Variants in CD38 observed in about 807,000 individuals in gnomAD.
CD38 encodes ADP-ribosyl cyclase/cyclic ADP-ribose hydrolase 1.
CD38 carries 31 observed loss-of-function variants against 36.3 expected under a neutral mutation model. That is an observed-to-expected ratio of 0.85 (90% CI 0.64 to 1.15). The LOEUF is 1.15. Among genes scored for constraint, CD38 ranks in the 50% most tolerant of loss-of-function variants. CD38 has a pLI of 0.00. For missense variants in CD38, 380 were observed against 371.9 expected (o/e 1.02, Z -0.18); for synonymous variants, 131 against 135.2 (o/e 0.97, Z 0.22).
At chr4:15,790,394 T>A (rs1314533325) in intron 1 of CD38, among the ~76,000 whole-genome samples, 1 of 151,726 alleles carries the variant, frequency 6.6e-6, no homozygotes, top group East Asian at 1.9e-4. Context: ...GCCGGGCTGG[T>A]CTCCAGCTCC....
chr4:15,787,021 C>G (rs764845108), intron 1 of CD38, among the ~76,000 whole-genome samples: 9 of 146,622 alleles, frequency 6.1e-5, no homozygotes, highest in Non-Finnish European at 1.2e-4. Flanking sequence ...GCTCGCCGGC[C>G]GCTCAGAGTG....
chr4:15,841,549 C>G (rs183015259), intron 7 of CD38, among the ~76,000 whole-genome samples: 1 of 148,378 alleles, frequency 6.7e-6, no homozygotes, highest in African/African-American at 2.6e-5. Flanking sequence ...AATCTTGCGG[C>G]GGAGGAGCCA....
chr4:15,800,944 T>C (rs1385365675), intron 1 of CD38, among the ~76,000 whole-genome samples: 2 of 151,374 alleles, frequency 1.3e-5, no homozygotes, highest in Non-Finnish European at 2.9e-5. Flanking sequence ...AGGAAGTAAA[T>C]AATAAAGATC....
intron 3 of CD38, among the ~76,000 whole-genome samples, chr4:15,831,277 C>G (rs1723952682): frequency 6.6e-6 from 1 of 152,106 alleles, no homozygotes; most frequent in African/African-American, 2.4e-5. Flanking sequence ...ATTGGCTCAT[C>G]ATTTAGTTTT....
rs1001737604 is a variant in CD38 at position 15,849,279 on chromosome 4, C to T, written c.*677C>T. ...GCCACCGAAAGGAATGGCAAAACCA[C>T]AATTATTTTTGAACCAACCTAATAA... On this transcript the variant is annotated 3_prime_UTR_variant, in exon 8 of 8. Coordinates refer to ENST00000226279, the MANE Select transcript of CD38 (RefSeq NM_001775.4). 1 of 152,068 alleles carries T rather than the reference C, an allele frequency of 6.6e-6. No individual in the cohort carries two copies. Among genetic ancestry groups the T allele is most frequent in the Non-Finnish European group, 1.5e-5 (1 of 68,012 alleles). The allele number at this position is 152,068 out of a possible 1,614,324, so 9.4% of individuals were successfully genotyped here. A position where few individuals can be genotyped will look rare whatever the true frequency, so the allele number is the denominator to read the frequency against.
At chr4:15,811,724 G>A (rs908087226) in intron 1 of CD38, among the ~76,000 whole-genome samples, 18 of 152,200 alleles carry the variant, frequency 1.2e-4, no homozygotes, top group East Asian at 3.8e-4. Context: ...AAGCTTTATC[G>A]TGAGGTTGAC....
chr4:15,794,600 G>A (rs1241049812), intron 1 of CD38, among the ~76,000 whole-genome samples: 3 of 152,270 alleles, frequency 2.0e-5, no homozygotes, highest in African/African-American at 7.2e-5. Context: ...TTTGGGAGGA[G>A]TGGTAGTGAT....
intron 1 of CD38, among the ~76,000 whole-genome samples, chr4:15,793,522 C>A (rs1723049050): frequency 6.6e-6 from 1 of 152,052 alleles, no homozygotes; most frequent in Non-Finnish European, 1.5e-5. Flanking sequence ...GAAACGTCTA[C>A]TGAATGATGT....
chr4:15,785,047 C>T (rs1464454104), intron 1 of CD38, among the ~76,000 whole-genome samples: 1 of 114,758 alleles, frequency 8.7e-6, no homozygotes, highest in Non-Finnish European at 1.7e-5. Context: ...CAGAGCAAGA[C>T]TCTGTCTTAA....
rs1319144051 is a variant in CD38 at position 15,850,663 on chromosome 4, C to G, written c.*2061C>G. 6.6e-6 allele frequency: 1 copy of G among 152,246 alleles called. No individual in the cohort carries two copies. The highest frequency in any genetic ancestry group is 1.9e-4 in the East Asian group (1 of 5,190). 9.4% of individuals were successfully genotyped at this position (152,246 alleles called of 1,614,324 possible). ...CAGTTTCCCACAGGAGCCTTTGTAGCTGTAGCCACCATGGTCAGTCCAGGG... is the reference window on the plus strand; with the variant it reads ...CAGTTTCCCACAGGAGCCTTTGTAGGTGTAGCCACCATGGTCAGTCCAGGG... On this transcript the variant is annotated 3_prime_UTR_variant, in exon 8 of 8. Coordinates refer to ENST00000226279, the MANE Select transcript of CD38 (RefSeq NM_001775.4).
At chr4:15,811,113 T>C (rs141277321) in intron 1 of CD38, among the ~76,000 whole-genome samples, 21 of 152,352 alleles carry the variant, frequency 1.4e-4, no homozygotes, top group African/African-American at 4.8e-4. Context: ...CATTTGTTAA[T>C]TGGGTTATCC....
chr4:15,818,407 A>T (rs891597872), intron 2 of CD38, among the ~76,000 whole-genome samples: 5 of 152,206 alleles, frequency 3.3e-5, no homozygotes, highest in Admixed American at 1.3e-4. Context: ...CTGTGGGCAC[A>T]GCTTCAGTGG....
At chr4:15,809,301 T>C (rs1467459001) in intron 1 of CD38, among the ~76,000 whole-genome samples, 1 of 152,228 alleles carries the variant, frequency 6.6e-6, no homozygotes, top group Admixed American at 6.5e-5. Flanking sequence ...TGGTTCTGCC[T>C]GAGTTTAAGT....
At chr4:15,788,980 T>C (rs1722897623) in intron 1 of CD38, among the ~76,000 whole-genome samples, 1 of 152,200 alleles carries the variant, frequency 6.6e-6, no homozygotes. Context: ...ACCATCTAAC[T>C]TCATAAGGTT....
At position 15,828,570 on chromosome 4, in the gene CD38, C is replaced by T. The variant is rs1401400256; in HGVS notation, c.499+3554C>T. On this transcript the variant is annotated intron_variant, in intron 3 of 7. Coordinates refer to ENST00000226279, the MANE Select transcript of CD38 (RefSeq NM_001775.4). ...TAGATTCCATATGTATTAGGACATG[C>T]AGCATTTGTCTTTCTGTGGGTGGCT... Among the ~76,000 whole-genome samples, 6 of 152,280 alleles carry T rather than the reference C, an allele frequency of 3.9e-5. No individual in the cohort carries two copies. The South Asian group carries it at 8.3e-4, about 21-fold the overall frequency.
intron 1 of CD38, among the ~76,000 whole-genome samples, chr4:15,787,283 C>T (rs1722859859): frequency 6.6e-6 from 1 of 152,228 alleles, no homozygotes; most frequent in African/African-American, 2.4e-5. Context: ...GAAATGGACC[C>T]TGAGAGAGAT....
At chr4:15,841,970 A>G (rs1375096752) in intron 7 of CD38, among the ~76,000 whole-genome samples, 5 of 138,712 alleles carry the variant, frequency 3.6e-5, no homozygotes, top group East Asian at 2.1e-4. Flanking sequence ...CAAGGCGGCA[A>G]CGAGGCTGGG....
intron 5 of CD38, among the ~76,000 whole-genome samples, chr4:15,839,021 G>A (rs937175934): frequency 6.6e-6 from 1 of 151,652 alleles, no homozygotes; most frequent in South Asian, 2.1e-4. Context: ...TCTAATTTTT[G>A]TTCTCTAATC....
Position 15,848,897 on chromosome 4 carries a change from T to C in CD38, c.*295T>C. 1 of 235,370 alleles carries C rather than the reference T, an allele frequency of 4.2e-6. No individual in the cohort carries two copies. The allele number at this position is 235,370 out of a possible 1,614,324, so 14.6% of individuals were successfully genotyped here. A position where few individuals can be genotyped will look rare whatever the true frequency, so the allele number is the denominator to read the frequency against. ...GTGATCCTTTTATGTTATTTATATA[T>C]TGGTAACATCCTTTCTATTGAAAAA... is the stretch of plus-strand genomic sequence containing the variant. On this transcript the variant is annotated 3_prime_UTR_variant, in exon 8 of 8. Transcript: ENST00000226279.
Sources: gnomAD v4.1 joint callset for allele counts (sites outside exome capture counted in the v4.1 genomes callset) on GRCh38, gnomAD v4.1.1 for gene constraint, MANE v1.5 for transcripts, NCBI Gene and HGNC (gene_info 2026-07-23, HGNC 2026-07-21) for gene names.